Variants in PHF21B observed in about 807,000 individuals in gnomAD.
PHF21B encodes PHD finger protein 4.
In PHF21B, 22 loss-of-function variants were observed where a neutral mutation model predicts 62.2. The observed-to-expected ratio is 0.35, with a 90% CI of 0.25 to 0.51. PHF21B has a LOEUF of 0.51. Ranked by LOEUF, PHF21B falls within the 20% of genes least tolerant of loss-of-function variation. The pLI, the probability that PHF21B is intolerant of heterozygous loss-of-function variation, is 0.97. For synonymous variants in PHF21B, 341 were observed against 314.7 expected (o/e 1.08, Z -0.88); for missense variants, 701 against 707.9 (o/e 0.99, Z 0.11).
chr22:44,912,878 C>CCAAAAAAAAAAAA (rs772630054), intron 5 of PHF21B, among the ~76,000 whole-genome samples: 1 of 45,608 alleles, frequency 2.2e-5, no homozygotes, highest in East Asian at 7.9e-4. Flanking sequence ...GACTCTATCT[C>CCAAAAAAAAAAAA]AAAAAAAAAA....
chr22:44,943,718 T>C (rs1030670772), intron 2 of PHF21B, among the ~76,000 whole-genome samples: 22 of 152,136 alleles, frequency 1.4e-4, no homozygotes, highest in Non-Finnish European at 2.2e-4. Context: ...TGACAGCGAC[T>C]CCTGGGCCGT....
At chr22:44,956,411 T>C (rs1043757106) in intron 2 of PHF21B, among the ~76,000 whole-genome samples, 2 of 152,198 alleles carry the variant, frequency 1.3e-5, no homozygotes, top group African/African-American at 4.8e-5. Flanking sequence ...ACAGCCTGGA[T>C]TAAACAGTAA....
At chr22:44,997,891 G>A (rs375262838) in intron 2 of PHF21B, among the ~76,000 whole-genome samples, 28 of 152,284 alleles carry the variant, frequency 1.8e-4, no homozygotes, top group African/African-American at 5.5e-4. Flanking sequence ...ACGGAGGCCC[G>A]CCCTTCCAAA....
In PHF21B at chr22:44,883,081, C is replaced by T. The variant is rs1248785934; in HGVS notation, c.*5G>A. On this transcript the variant is annotated 3_prime_UTR_variant, in exon 13 of 13. Coordinates refer to ENST00000313237, the MANE Select transcript of PHF21B (RefSeq NM_138415.5). ...TCCGTGGGTATGAAGACTGGTCCCTCGGGGTCAGTTGTGGCCCTGGGGGTG... is the reference window on the plus strand; with the variant it reads ...TCCGTGGGTATGAAGACTGGTCCCTTGGGGTCAGTTGTGGCCCTGGGGGTG... 12 of 1,606,404 alleles carry T rather than the reference C, an allele frequency of 7.5e-6. No individual in the cohort carries two copies. The highest frequency in any genetic ancestry group is 3.4e-5 in the Admixed American group (2 of 59,638).
chr22:44,915,341 G>C (rs1009727982), intron 4 of PHF21B, among the ~76,000 whole-genome samples: 2 of 152,232 alleles, frequency 1.3e-5, no homozygotes, highest in Non-Finnish European at 2.9e-5. Flanking sequence ...TCAACAATGA[G>C]GCATCTATGT....
chr22:44,965,735 T>C lies in PHF21B; in HGVS notation c.120+42810A>G, dbSNP rs575086615. ...AGTGGAGCAGGACCACACTGCCCAC[T>C]GGCTGGGAAGTCAGACTGCCACACT... On this transcript the variant is annotated intron_variant, in intron 2 of 12. Coordinates refer to ENST00000313237, the MANE Select transcript of PHF21B (RefSeq NM_138415.5). Among the ~76,000 whole-genome samples, 3 of 152,288 alleles carry C rather than the reference T, an allele frequency of 2.0e-5. No individual in the cohort carries two copies. The South Asian group carries it at 6.2e-4, about 32-fold the overall frequency.
chr22:44,941,870 C>T (rs1394735027), intron 2 of PHF21B, among the ~76,000 whole-genome samples: 2 of 152,192 alleles, frequency 1.3e-5, no homozygotes, highest in East Asian at 3.9e-4. Context: ...GTACAGGGGA[C>T]ACAGCACTGA....
At chr22:44,958,250 C>T (rs533220043) in intron 2 of PHF21B, among the ~76,000 whole-genome samples, 15 of 152,022 alleles carry the variant, frequency 9.9e-5, no homozygotes, top group African/African-American at 3.1e-4. Context: ...TTCTGGCATC[C>T]GGGCCTGCTG....
chr22:44,975,413 C>T lies in PHF21B; in HGVS notation c.120+33132G>A, dbSNP rs111257845. Among the ~76,000 whole-genome samples the T allele has an allele frequency of 1.7e-3, 262 of 152,300 alleles. 1 individual carries two copies. Among genetic ancestry groups the T allele is most frequent in the African/African-American group, 5.9e-3 (247 of 41,558 alleles). ...GCCCCTGTCCCTCCCCTCCCTCCAGCCAGCCTAGAAAGTGTATGGAGAGCA... is the reference window on the plus strand; with the variant it reads ...GCCCCTGTCCCTCCCCTCCCTCCAGTCAGCCTAGAAAGTGTATGGAGAGCA... On this transcript the variant is annotated intron_variant, in intron 2 of 12. Transcript: ENST00000313237.
chr22:44,979,896 C>T (rs1051904026), intron 2 of PHF21B, among the ~76,000 whole-genome samples: 1 of 151,634 alleles, frequency 6.6e-6, no homozygotes, highest in South Asian at 2.1e-4. Flanking sequence ...TGGTGAAACC[C>T]GGTCTCTACT....
At chr22:44,904,713 G>C (rs928466886) in intron 5 of PHF21B, among the ~76,000 whole-genome samples, 1 of 134,416 alleles carries the variant, frequency 7.4e-6, no homozygotes, top group Non-Finnish European at 1.6e-5. Flanking sequence ...GCAGTGGCCA[G>C]GAGTGGTGTA....
chr22:44,971,396 T>G (rs2072635010), intron 2 of PHF21B: 1 of 152,242 alleles, frequency 6.6e-6, no homozygotes, highest in Middle Eastern at 3.4e-3. Context: ...TCAGGGCCAT[T>G]CGGGGTAGGC....
intron 2 of PHF21B, among the ~76,000 whole-genome samples, chr22:44,985,999 T>C (rs368767301): frequency 2.2e-5 from 3 of 134,586 alleles, no homozygotes; most frequent in East Asian, 2.5e-4. Flanking sequence ...ACCATCACCA[T>C]GACAACCATC....
At chr22:44,991,770 G>C (rs1393658713) in intron 2 of PHF21B, among the ~76,000 whole-genome samples, 1 of 152,242 alleles carries the variant, frequency 6.6e-6, no homozygotes, top group Non-Finnish European at 1.5e-5. Context: ...AGCTCCGCTG[G>C]TCCATCCAGC....
At chr22:44,932,424 TG>T (rs1400513584) in intron 2 of PHF21B, among the ~76,000 whole-genome samples, 12 of 152,294 alleles carry the variant, frequency 7.9e-5, no homozygotes, top group Middle Eastern at 3.4e-3. Flanking sequence ...CCCTTGGATC[TG>T]GAGTGGCCGC....
intron 2 of PHF21B, among the ~76,000 whole-genome samples, chr22:44,963,684 G>T (rs2072469243): frequency 6.6e-6 from 1 of 152,206 alleles, no homozygotes; most frequent in African/African-American, 2.4e-5. Context: ...CGCTCCCAGG[G>T]GCCATGTGGG....
intron 7 of PHF21B, among the ~76,000 whole-genome samples, chr22:44,892,174 C>G (rs780486085): frequency 6.6e-6 from 1 of 152,220 alleles, no homozygotes; most frequent in South Asian, 2.1e-4. Flanking sequence ...CTGGAGAACA[C>G]ACCATTTCCT....
chr22:44,930,086 A>G (rs550894940), intron 2 of PHF21B, among the ~76,000 whole-genome samples: 1 of 152,356 alleles, frequency 6.6e-6, no homozygotes, highest in African/African-American at 2.4e-5. Context: ...AGAGTGTGGA[A>G]GACACCCCTC....
At chr22:44,979,217 G>C (rs915798925) in intron 2 of PHF21B, among the ~76,000 whole-genome samples, 2 of 152,240 alleles carry the variant, frequency 1.3e-5, no homozygotes, top group African/African-American at 2.4e-5. Context: ...GGGCAGTGGG[G>C]TACAGGGAGG....
Sources: allele counts gnomAD v4.1 joint callset (sites outside exome capture counted in the v4.1 genomes callset), GRCh38; gene constraint gnomAD v4.1.1; transcripts MANE v1.5; gene names NCBI Gene and HGNC (gene_info 2026-07-23, HGNC 2026-07-21).